The following LOC400499 variants were observed in gnomAD, a reference collection of about 807,000 sequenced individuals.
chr16:11,461,881 T>C, the LOC400499 span, among the ~76,000 whole-genome samples: 2 of 152,240 alleles, frequency 1.3e-5, no homozygotes, highest in African/African-American at 4.8e-5. Context: ...ATGTTACAAG[T>C]GTTTCTTATC....
chr16:11,423,342 C>T, the LOC400499 span: 1 of 398,818 alleles, frequency 2.5e-6, no homozygotes, highest in Non-Finnish European at 4.4e-6. Flanking sequence ...CCACTTGACC[C>T]CGCCACCCTT....
At chr16:11,393,329 C>T in the LOC400499 span, 1 of 1,211,280 alleles carries the variant, frequency 8.3e-7, no homozygotes, top group Non-Finnish European at 1.0e-6. Flanking sequence ...GACCCCCGTC[C>T]TTTCTTGAGC....
At chr16:11,389,926 C>T in the LOC400499 span, among the ~76,000 whole-genome samples, 9 of 152,142 alleles carry the variant, frequency 5.9e-5, no homozygotes, top group Middle Eastern at 3.2e-3. Flanking sequence ...CCAGTGCTCA[C>T]GAGGTATCTA....
chr16:11,482,710 G>A, the LOC400499 span, among the ~76,000 whole-genome samples: 25,478 of 151,830 alleles, frequency 0.17, 2,231 homozygotes, highest in Non-Finnish European at 0.18. Context: ...GGGCAACACA[G>A]TGAGACCCCA....
At chr16:11,436,941 G>C in the LOC400499 span, among the ~76,000 whole-genome samples, 2 of 152,148 alleles carry the variant, frequency 1.3e-5, no homozygotes, top group South Asian at 4.1e-4. Flanking sequence ...ATGAGCTGCT[G>C]AATAAAACAT....
At chr16:11,492,862 G>A in the LOC400499 span, among the ~76,000 whole-genome samples, 2 of 152,134 alleles carry the variant, frequency 1.3e-5, no homozygotes, top group Non-Finnish European at 2.9e-5. Context: ...GAGCCAGGGG[G>A]ACCTGGGAGG....
the LOC400499 span, chr16:11,460,837 C>T: frequency 7.6e-7 from 1 of 1,310,874 alleles, no homozygotes; most frequent in Non-Finnish European, 1.0e-6. Flanking sequence ...CTACTCAGAG[C>T]CAACAGAATG....
At chr16:11,390,595 G>T in the LOC400499 span, 3 of 677,910 alleles carry the variant, frequency 4.4e-6, no homozygotes, top group African/African-American at 1.9e-5. Context: ...GGGGGAACTG[G>T]AACAGAGCAG....
At chr16:11,460,184 T>C in the LOC400499 span, 2 of 744,300 alleles carry the variant, frequency 2.7e-6, no homozygotes, top group Non-Finnish European at 3.8e-6. Context: ...GAAAGCACTA[T>C]TTTTTTTTAA....
At chr16:11,514,971 T>C in the LOC400499 span, among the ~76,000 whole-genome samples, 2 of 152,034 alleles carry the variant, frequency 1.3e-5, no homozygotes, top group African/African-American at 4.8e-5. Context: ...CACTTGCCTC[T>C]TCAGGGAGCT....
At chr16:11,525,750 G>A in the LOC400499 span, among the ~76,000 whole-genome samples, 3 of 152,184 alleles carry the variant, frequency 2.0e-5, no homozygotes, top group Non-Finnish European at 4.4e-5. Context: ...TGAGGTCTGA[G>A]AGCATTGTGC....
the LOC400499 span, among the ~76,000 whole-genome samples, chr16:11,510,397 T>C: frequency 6.6e-6 from 1 of 151,772 alleles, no homozygotes; most frequent in Non-Finnish European, 1.5e-5. Context: ...CCCAGGGCCT[T>C]TGCACTTCCT....
the LOC400499 span, among the ~76,000 whole-genome samples, chr16:11,403,159 G>C: frequency 6.6e-6 from 1 of 152,102 alleles, no homozygotes; most frequent in African/African-American, 2.4e-5. Context: ...GCTGCCCGAG[G>C]CCCCTGTGCA....
At chr16:11,512,509 G>A in the LOC400499 span, among the ~76,000 whole-genome samples, 1 of 152,086 alleles carries the variant, frequency 6.6e-6, no homozygotes, top group African/African-American at 2.4e-5. Flanking sequence ...GGCTGAGGCA[G>A]GAGCACTGCG....
chr16:11,447,704 G>C, the LOC400499 span, among the ~76,000 whole-genome samples: 2 of 152,080 alleles, frequency 1.3e-5, no homozygotes, highest in African/African-American at 4.8e-5. Flanking sequence ...AGGCTAGGAT[G>C]ATGAGACTCT....
At chr16:11,514,319 C>T in the LOC400499 span, 1,944 of 399,118 alleles carry the variant, frequency 4.9e-3, 33 homozygotes, top group African/African-American at 0.035. Context: ...CCCCCTCATG[C>T]CACGGCCAGG....
chr16:11,396,833 G>T, the LOC400499 span, among the ~76,000 whole-genome samples: 1 of 152,064 alleles, frequency 6.6e-6, no homozygotes, highest in Non-Finnish European at 1.5e-5. Context: ...ATCAGATGCC[G>T]TCCCCTAAGA....
At chr16:11,501,648 C>T in the LOC400499 span, among the ~76,000 whole-genome samples, 1 of 152,054 alleles carries the variant, frequency 6.6e-6, no homozygotes, top group African/African-American at 2.4e-5. Context: ...TTGGGAGTCT[C>T]TTTACCCGCC....
the LOC400499 span, among the ~76,000 whole-genome samples, chr16:11,504,082 C>A: frequency 6.6e-6 from 1 of 152,192 alleles, no homozygotes. Flanking sequence ...TCTGGGCAAG[C>A]CTCTGGCCAC....
Sources: gnomAD v4.1 joint callset for allele counts (sites outside exome capture counted in the v4.1 genomes callset) on GRCh38, gnomAD v4.1.1 for gene constraint, MANE v1.5 for transcripts.